The following MARK3 variants were observed in gnomAD, a reference collection of about 807,000 sequenced individuals.
The protein encoded by MARK3 is microtubule affinity regulating kinase 3, also known as MAP/microtubule affinity-regulating kinase 3.
A neutral mutation model predicts 90.1 loss-of-function variants in MARK3; 46 were observed. The ratio of observed to expected loss-of-function variants is 0.51; its 90% CI spans 0.40 to 0.65. The LOEUF (loss-of-function observed/expected upper bound fraction) is 0.65. Among genes scored for constraint, MARK3 ranks in the 30% least tolerant of loss-of-function variants. The pLI is 0.00. For missense variants in MARK3, 818 were observed against 947.2 expected, an observed-to-expected ratio of 0.86 and a Z score of 1.79; for synonymous variants, 321 against 332.6, an observed-to-expected ratio of 0.97 and a Z score of 0.38.
At chr14:103,500,290 G>C in intron 17 of MARK3, 90 bp downstream of exon 17, 1 of 961,542 alleles carries the variant, frequency 1.0e-6, no homozygotes, top group Non-Finnish European at 1.5e-6. Context: ...GTTCCCTACT[G>C]TATTCCTGCT....
At chr14:103,410,872 T>C (rs2091587873) in intron 2 of MARK3, among the ~76,000 whole-genome samples, 1 of 152,220 alleles carries the variant, frequency 6.6e-6, no homozygotes. Flanking sequence ...ATGATGTCTT[T>C]CTTGTTTTAG....
intron 2 of MARK3, among the ~76,000 whole-genome samples, chr14:103,424,418 G>A (rs1217252050): frequency 2.0e-5 from 3 of 151,720 alleles, no homozygotes; most frequent in East Asian, 1.9e-4. Context: ...CCATCTACTC[G>A]GGAGGCTGAG....
intron 12 of MARK3, among the ~76,000 whole-genome samples, chr14:103,472,386 A>G (rs1442029222): frequency 1.3e-5 from 2 of 150,414 alleles, no homozygotes; most frequent in Non-Finnish European, 3.0e-5. Context: ...GGCCGGTCGC[A>G]TAATCCCAGC....
chr14:103,474,896 AT>A, intron 12 of MARK3, 96 bp from the exon 13 acceptor site: 1 of 914,726 alleles, frequency 1.1e-6, no homozygotes, highest in Non-Finnish European at 1.6e-6. Context: ...TTTTAGGTGA[AT>A]AGCAACCTTA....
At chr14:103,455,081 G>A (rs1191385941) in intron 5 of MARK3, among the ~76,000 whole-genome samples, 2 of 152,148 alleles carry the variant, frequency 1.3e-5, no homozygotes, top group African/African-American at 2.4e-5. Context: ...GTAATTATGA[G>A]TGTGACATAT....
intron 3 of MARK3, among the ~76,000 whole-genome samples, chr14:103,443,552 C>CT (rs1466918622): frequency 2.0e-5 from 3 of 152,120 alleles, no homozygotes; most frequent in African/African-American, 7.2e-5. Context: ...GAATTGAGTA[C>CT]TGAGGCATTC....
chr14:103,457,223 A>C lies in MARK3; in HGVS notation c.483+11A>C. The C allele has an allele frequency of 6.4e-7, 1 of 1,573,812 alleles. No homozygotes were observed. Among genetic ancestry groups the C allele is most frequent in the Non-Finnish European group, 8.7e-7 (1 of 1,144,174 alleles). On this transcript the variant is annotated intron_variant, in intron 6 of 17. Transcript: ENST00000429436. ...TCTAAATTTAGACAGGTATGAATTA[A>C]TGTGTCTTTACTATGTCAATTTGAT...
At chr14:103,479,484 ATTCT>A (rs773596873) in intron 13 of MARK3, among the ~76,000 whole-genome samples, 7 of 152,142 alleles carry the variant, frequency 4.6e-5, no homozygotes, top group South Asian at 4.1e-4. Flanking sequence ...TTTTCTTCAC[ATTCT>A]TTCTAACAAT....
rs562868895 is a variant in MARK3, at chr14:103,434,411, TG to T, written c.297+5972del. On this transcript the variant is annotated intron_variant, in intron 3 of 17. Transcript: ENST00000429436. ...AGTTACCCACAGAAGCTACTGACTGTGAAATTTTAGCTACAGCATGATCCTG... is the reference window on the plus strand; with the variant it reads ...AGTTACCCACAGAAGCTACTGACTGTAAATTTTAGCTACAGCATGATCCTG... Among the ~76,000 whole-genome samples, 421 of 151,572 alleles carry T rather than the reference TG, an allele frequency of 2.8e-3. 3 individuals are homozygous for T. The highest frequency in any genetic ancestry group is 9.6e-3 in the South Asian group (46 of 4,784).
chr14:103,421,523 A>G (rs1429790301), intron 2 of MARK3, among the ~76,000 whole-genome samples: 1 of 152,144 alleles, frequency 6.6e-6, no homozygotes, highest in African/African-American at 2.4e-5. Context: ...CTCCCAGTAA[A>G]GGGGTGACGA....
chr14:103,497,900 A>C (rs1301816363), intron 15 of MARK3, among the ~76,000 whole-genome samples: 2 of 152,206 alleles, frequency 1.3e-5, no homozygotes, highest in Non-Finnish European at 2.9e-5. Context: ...CACTTCTTTA[A>C]CATAAGACAT....
chr14:103,482,531 A>G (rs918643322), intron 14 of MARK3, among the ~76,000 whole-genome samples: 1 of 146,426 alleles, frequency 6.8e-6, no homozygotes, highest in Non-Finnish European at 1.5e-5. Flanking sequence ...AAAAAAAAAA[A>G]GTTGTTTCAT....
At chr14:103,492,321 C>T (rs996251664) in intron 15 of MARK3, among the ~76,000 whole-genome samples, 6 of 151,980 alleles carry the variant, frequency 3.9e-5, no homozygotes, top group African/African-American at 1.2e-4. Flanking sequence ...ATGGCATGTT[C>T]GTTGTTGTTG....
intron 3 of MARK3, among the ~76,000 whole-genome samples, chr14:103,432,634 C>T (rs992898955): frequency 2.6e-5 from 4 of 152,044 alleles, no homozygotes; most frequent in Admixed American, 2.0e-4. Context: ...GAGGATCACT[C>T]GAGCTCAGGA....
intron 2 of MARK3, among the ~76,000 whole-genome samples, chr14:103,410,942 G>A (rs2091593002): frequency 6.6e-6 from 1 of 151,960 alleles, no homozygotes; most frequent in Non-Finnish European, 1.5e-5. Context: ...TTACATTTGG[G>A]TTTCATGTCT....
intron 1 of MARK3, among the ~76,000 whole-genome samples, chr14:103,403,593 G>C (rs1043087675): frequency 3.9e-5 from 6 of 152,086 alleles, no homozygotes; most frequent in Admixed American, 6.6e-5. Context: ...AAATTCTAGT[G>C]TAATTAAAAT....
chr14:103,403,501 T>C (rs1267836079), intron 1 of MARK3, among the ~76,000 whole-genome samples: 1 of 152,198 alleles, frequency 6.6e-6, no homozygotes, highest in African/African-American at 2.4e-5. Flanking sequence ...CATTCTAATA[T>C]TTATTGAGTA....
chr14:103,423,792 A>G (rs560969814), intron 2 of MARK3, among the ~76,000 whole-genome samples: 1 of 152,366 alleles, frequency 6.6e-6, no homozygotes, highest in Non-Finnish European at 1.5e-5. Flanking sequence ...CTCTGGGGAC[A>G]TAGTTGCTTT....
intron 14 of MARK3, chr14:103,490,037 G>C (rs1015013546): frequency 1.3e-5 from 2 of 152,408 alleles, no homozygotes; most frequent in Non-Finnish European, 2.9e-5. Context: ...ACATTGGAAG[G>C]CTGGGCATGG....
Sources: allele counts gnomAD v4.1 joint callset (sites outside exome capture counted in the v4.1 genomes callset), GRCh38; gene constraint gnomAD v4.1.1; transcripts MANE v1.5; gene names NCBI Gene and HGNC (gene_info 2026-07-23, HGNC 2026-07-21).